Variants in COL4A2 observed in about 807,000 individuals in gnomAD.
COL4A2 encodes collagen type IV alpha 2 chain.
A neutral mutation model predicts 200.2 loss-of-function variants in COL4A2; 99 were observed. That is an observed-to-expected ratio of 0.49 (90% CI 0.42 to 0.58). The LOEUF is 0.58. Ranked by LOEUF, COL4A2 falls within the 20% of genes least tolerant of loss-of-function variation. COL4A2 has a pLI of 0.00. For synonymous variants in COL4A2, 897 were observed against 900.6 expected (o/e 1.00, Z 0.07); for missense variants, 1,950 against 2,314.1 (o/e 0.84, Z 3.23).
chr13:110,397,063 C>G lies in COL4A2; in HGVS notation c.181-27671C>G, dbSNP rs374565125. Reference sequence around the variant, plus strand: ...AGCCTGCTACCATCCTTGGTCATAACGTTGCTCAAGGCCCGAGCAGGCCTG... The same window carrying G: ...AGCCTGCTACCATCCTTGGTCATAAGGTTGCTCAAGGCCCGAGCAGGCCTG... On this transcript the variant is annotated intron_variant, in intron 4 of 47. Transcript: ENST00000360467. Among the ~76,000 whole-genome samples, 76 of 152,320 alleles carry G rather than the reference C, an allele frequency of 5.0e-4. 1 individual carries two copies. The South Asian group carries it at 0.016, about 31-fold the overall frequency.
intron 4 of COL4A2, among the ~76,000 whole-genome samples, chr13:110,408,883 G>T (rs371964744): frequency 9.2e-6 from 1 of 108,576 alleles, no homozygotes; most frequent in African/African-American, 3.6e-5. Context: ...ACATGGACAC[G>T]CGCACACGTT....
intron 10 of COL4A2, among the ~76,000 whole-genome samples, chr13:110,431,495 C>T (rs1272331205): frequency 6.6e-6 from 1 of 152,204 alleles, no homozygotes; most frequent in Non-Finnish European, 1.5e-5. Flanking sequence ...CTGTGAAAGT[C>T]ATTCTTGCAA....
intron 4 of COL4A2, among the ~76,000 whole-genome samples, chr13:110,408,766 CACA>C (rs1425564829): frequency 1.3e-5 from 2 of 152,062 alleles, no homozygotes; most frequent in Non-Finnish European, 2.9e-5. Context: ...AGCAGAAGAC[CACA>C]ACAGCCACAT....
chr13:110,482,285 T>C (rs1433299763), intron 31 of COL4A2, among the ~76,000 whole-genome samples: 1 of 152,228 alleles, frequency 6.6e-6, no homozygotes. Flanking sequence ...GTGTGTTTCC[T>C]TGTTGCCAAT....
chr13:110,420,884 T>C (rs1880223109), intron 4 of COL4A2, among the ~76,000 whole-genome samples: 1 of 152,212 alleles, frequency 6.6e-6, no homozygotes, highest in African/African-American at 2.4e-5. Flanking sequence ...AGGCTTTACA[T>C]TGTGCACAGC....
At position 110,497,634 on chromosome 13, in the gene COL4A2, G is replaced by A. The variant is rs74884672; in HGVS notation, c.3760+2167G>A. 1.3e-3 allele frequency among the ~76,000 whole-genome samples: 193 copies of A among 146,482 alleles called. 2 individuals carry two copies. Among genetic ancestry groups the A allele is most frequent in the African/African-American group, 4.5e-3 (178 of 39,266 alleles). On this transcript the variant is annotated intron_variant, in intron 40 of 47. Coordinates refer to ENST00000360467, the MANE Select transcript of COL4A2 (RefSeq NM_001846.4). ...CACTCAGGGCTGAGGATCTAGGTCA[G>A]TCCACCAGCACAACCTCCACTCAGG...
intron 45 of COL4A2, among the ~76,000 whole-genome samples, chr13:110,505,139 A>G (rs1309063281): frequency 6.6e-6 from 1 of 151,364 alleles, no homozygotes; most frequent in Non-Finnish European, 1.5e-5. Context: ...TCACAAGGGC[A>G]GGAGATCGAG....
chr13:110,326,488 A>G (rs923962742), intron 3 of COL4A2, among the ~76,000 whole-genome samples: 1 of 152,096 alleles, frequency 6.6e-6, no homozygotes, highest in Non-Finnish European at 1.5e-5. Flanking sequence ...AAAGTGTTTC[A>G]ATACAGAGAT....
chr13:110,450,807 G>A (rs963851408), intron 20 of COL4A2, among the ~76,000 whole-genome samples: 5 of 152,160 alleles, frequency 3.3e-5, no homozygotes, highest in Non-Finnish European at 7.4e-5. Flanking sequence ...CCTCTGTGTC[G>A]GGGTGATACA....
chr13:110,435,233 G>GA (rs1048985902), intron 12 of COL4A2, among the ~76,000 whole-genome samples: 15 of 151,568 alleles, frequency 9.9e-5, no homozygotes, highest in African/African-American at 2.4e-4. Context: ...GGGCTTCTGG[G>GA]AAAAAAAAGA....
intron 45 of COL4A2, among the ~76,000 whole-genome samples, chr13:110,506,067 G>A (rs542884318): frequency 1.5e-3 from 223 of 152,298 alleles, no homozygotes; most frequent in African/African-American, 5.0e-3. Flanking sequence ...GGTTCTAGGC[G>A]CACCTGGAAA....
chr13:110,426,358 TA>T (rs1880471101), intron 6 of COL4A2, among the ~76,000 whole-genome samples: 1 of 152,330 alleles, frequency 6.6e-6, no homozygotes, highest in African/African-American at 2.4e-5. Flanking sequence ...AGGGAAGAAG[TA>T]ATCATAATTT....
At chr13:110,469,994 A>C (rs1352237478) in intron 28 of COL4A2, among the ~76,000 whole-genome samples, 3 of 145,198 alleles carry the variant, frequency 2.1e-5, no homozygotes, top group Non-Finnish European at 4.5e-5. Flanking sequence ...AGCTCACTGC[A>C]ACCTCCGCCT....
At chr13:110,471,305 G>T (rs1264724761) in intron 28 of COL4A2, among the ~76,000 whole-genome samples, 1 of 152,218 alleles carries the variant, frequency 6.6e-6, no homozygotes, top group Non-Finnish European at 1.5e-5. Context: ...CACGTGAGTT[G>T]GGAGCCTGTT....
At chr13:110,431,370 T>C (rs1247509940) in intron 10 of COL4A2, among the ~76,000 whole-genome samples, 1 of 152,142 alleles carries the variant, frequency 6.6e-6, no homozygotes, top group Non-Finnish European at 1.5e-5. Context: ...GTCATATATG[T>C]CTGGGGAGAC....
intron 14 of COL4A2, among the ~76,000 whole-genome samples, chr13:110,438,317 G>A (rs756779428): frequency 3.7e-4 from 56 of 152,320 alleles, no homozygotes; most frequent in African/African-American, 9.1e-4. Flanking sequence ...CCACTCAGGC[G>A]CCACCGGGTT....
At chr13:110,398,270 A>G (rs1261312431) in intron 4 of COL4A2, among the ~76,000 whole-genome samples, 1 of 152,190 alleles carries the variant, frequency 6.6e-6, no homozygotes, top group Non-Finnish European at 1.5e-5. Context: ...CATGTTTATT[A>G]TGAGGAAAAC....
intron 4 of COL4A2, among the ~76,000 whole-genome samples, chr13:110,400,490 C>G (rs1405197650): frequency 6.6e-6 from 1 of 151,898 alleles, no homozygotes; most frequent in East Asian, 1.9e-4. Context: ...ATTAAGACAG[C>G]AGAAAGTCTA....
At chr13:110,446,371 G>A (rs974526614) in intron 17 of COL4A2, among the ~76,000 whole-genome samples, 3 of 152,182 alleles carry the variant, frequency 2.0e-5, no homozygotes, top group African/African-American at 7.2e-5. Flanking sequence ...AGAGGTGAAG[G>A]TGGTGCGCGG....
Sources: gnomAD v4.1 joint callset for allele counts (sites outside exome capture counted in the v4.1 genomes callset) on GRCh38, gnomAD v4.1.1 for gene constraint, MANE v1.5 for transcripts, NCBI Gene and HGNC (gene_info 2026-07-23, HGNC 2026-07-21) for gene names.